PARD3: variants seen among roughly 807,000 people sequenced by gnomAD.
PARD3 encodes the protein par-3 family cell polarity regulator.
In PARD3, 75 loss-of-function variants were observed where a neutral mutation model predicts 155.4. The observed-to-expected ratio is 0.48, with a 90% CI of 0.40 to 0.58. The LOEUF (loss-of-function observed/expected upper bound fraction) is 0.58. PARD3 is among the 20% of genes least tolerant of loss of function. The pLI, the probability that PARD3 is intolerant of heterozygous loss-of-function variation, is 0.00. For synonymous variants in PARD3, 576 were observed against 610.5 expected (o/e 0.94, Z 0.83); for missense variants, 1,642 against 1,721.7 (o/e 0.95, Z 0.82).
chr10:34,484,278 A>G (rs1236492977), intron 3 of PARD3, among the ~76,000 whole-genome samples: 1 of 152,238 alleles, frequency 6.6e-6, no homozygotes, highest in Non-Finnish European at 1.5e-5. Flanking sequence ...TTAATTTAGG[A>G]GCTACAAATA....
intron 2 of PARD3, among the ~76,000 whole-genome samples, chr10:34,555,751 C>G (rs1442023785): frequency 1.3e-5 from 2 of 152,014 alleles, no homozygotes; most frequent in African/African-American, 4.8e-5. Flanking sequence ...ATACCATCAC[C>G]CGCCCACACA....
chr10:34,684,878 TACACAC>T lies in PARD3; in HGVS notation c.222+11434_222+11439del, dbSNP rs57035644. Among the ~76,000 whole-genome samples the T allele has an allele frequency of 3.8e-3, 521 of 137,876 alleles. 1 individual carries two copies. The highest frequency in any genetic ancestry group is 9.6e-3 in the South Asian group (40 of 4,160). 90.5% of individuals were successfully genotyped at this position (137,876 alleles called of 152,430 possible). On this transcript the variant is annotated intron_variant, in intron 2 of 24. Transcript: ENST00000374788. Reference sequence around the variant, plus strand: ...ATACATGTATATATATACACACACATACACACACACACACACACACACACACACACA... The same window carrying T: ...ATACATGTATATATATACACACACATACACACACACACACACACACACACA...
intron 23 of PARD3, among the ~76,000 whole-genome samples, chr10:34,120,535 T>C (rs1386602299): frequency 2.6e-5 from 4 of 152,138 alleles, no homozygotes; most frequent in Admixed American, 6.5e-5. Context: ...GGTAGGTATA[T>C]ATTTTAGTTT....
chr10:34,642,525 C>T (rs1216204342), intron 2 of PARD3, among the ~76,000 whole-genome samples: 1 of 152,076 alleles, frequency 6.6e-6, no homozygotes, highest in Non-Finnish European at 1.5e-5. Flanking sequence ...TTTCTCCTCC[C>T]CAGGCCTCTC....
intron 2 of PARD3, among the ~76,000 whole-genome samples, chr10:34,612,116 G>A (rs1028997670): frequency 6.6e-5 from 10 of 151,970 alleles, no homozygotes; most frequent in African/African-American, 1.9e-4. Context: ...GTGAGCCACC[G>A]TGCCCAGCTG....
At chr10:34,793,024 A>G (rs1841853126) in intron 1 of PARD3, among the ~76,000 whole-genome samples, 1 of 152,218 alleles carries the variant, frequency 6.6e-6, no homozygotes, top group East Asian at 1.9e-4. Flanking sequence ...CCATCTGGAC[A>G]ATGCCTGGGG....
chr10:34,399,470 C>A, intron 6 of PARD3, 57 bp from the exon 7 acceptor site: 1 of 1,009,774 alleles, frequency 9.9e-7, no homozygotes, highest in Middle Eastern at 2.1e-4. Flanking sequence ...AAACCAAAAC[C>A]AAAACAAAAC....
chr10:34,508,620 G>A (rs1258660412), intron 3 of PARD3, among the ~76,000 whole-genome samples: 1 of 152,146 alleles, frequency 6.6e-6, no homozygotes, highest in Non-Finnish European at 1.5e-5. Flanking sequence ...CACCTGAACT[G>A]TGTGACCCTG....
chr10:34,170,378 G>A (rs1949729577), intron 22 of PARD3, among the ~76,000 whole-genome samples: 2 of 152,196 alleles, frequency 1.3e-5, no homozygotes, highest in African/African-American at 4.8e-5. Context: ...GGCCCACCAT[G>A]CCTGGCCCTT....
intron 20 of PARD3, among the ~76,000 whole-genome samples, chr10:34,310,671 A>T (rs1239695984): frequency 1.3e-5 from 2 of 152,244 alleles, no homozygotes; most frequent in South Asian, 4.1e-4. Context: ...AAAGAAGAAT[A>T]CTTGAAGAAT....
intron 1 of PARD3, among the ~76,000 whole-genome samples, chr10:34,810,297 C>G (rs1843968422): frequency 6.6e-6 from 1 of 152,116 alleles, no homozygotes; most frequent in African/African-American, 2.4e-5. Flanking sequence ...AACATAAATT[C>G]TAACAATACA....
At chr10:34,363,615 C>G (rs1232887776) in intron 12 of PARD3, among the ~76,000 whole-genome samples, 1 of 152,186 alleles carries the variant, frequency 6.6e-6, no homozygotes, top group African/African-American at 2.4e-5. Context: ...TCTCCATATT[C>G]TGATGTAAAA....
At chr10:34,345,840 T>C in intron 15 of PARD3, 1 of 985,186 alleles carries the variant, frequency 1.0e-6, no homozygotes, top group Non-Finnish European at 1.2e-6. Flanking sequence ...CATTTGATTC[T>C]TACGGCCAAA....
intron 20 of PARD3, among the ~76,000 whole-genome samples, chr10:34,313,048 G>A (rs566128508): frequency 3.1e-4 from 47 of 152,166 alleles, no homozygotes; most frequent in African/African-American, 1.1e-3. Flanking sequence ...CTTTAAAAAC[G>A]AACACATTTA....
intron 4 of PARD3, 21 bp from the exon 5 acceptor site, chr10:34,450,469 A>T: frequency 6.3e-7 from 1 of 1,596,730 alleles, no homozygotes; most frequent in South Asian, 1.1e-5. Context: ...AGAAACAAAA[A>T]GGTGTCTTGT....
chr10:34,599,136 A>C (rs1039209989), intron 2 of PARD3, among the ~76,000 whole-genome samples: 1 of 152,136 alleles, frequency 6.6e-6, no homozygotes, highest in Non-Finnish European at 1.5e-5. Flanking sequence ...ACCCACAAGC[A>C]ACCGCATCCC....
intron 22 of PARD3, among the ~76,000 whole-genome samples, chr10:34,156,484 C>T (rs939016718): frequency 1.1e-4 from 17 of 152,232 alleles, no homozygotes; most frequent in South Asian, 1.0e-3. Flanking sequence ...CATAAAGAGA[C>T]GGCTCATGGT....
intron 5 of PARD3, among the ~76,000 whole-genome samples, chr10:34,402,987 T>G (rs1844057146): frequency 6.6e-6 from 1 of 152,112 alleles, no homozygotes; most frequent in African/African-American, 2.4e-5. Context: ...CTGACTGAGA[T>G]CAATGGACTT....
intron 4 of PARD3, among the ~76,000 whole-genome samples, chr10:34,458,054 T>C (rs1448892650): frequency 6.6e-6 from 1 of 152,212 alleles, no homozygotes; most frequent in African/African-American, 2.4e-5. Context: ...TTCAAAATGA[T>C]GATATATTTG....
Sources: gnomAD v4.1 joint callset for allele counts (sites outside exome capture counted in the v4.1 genomes callset) on GRCh38, gnomAD v4.1.1 for gene constraint, MANE v1.5 for transcripts, NCBI Gene and HGNC (gene_info 2026-07-23, HGNC 2026-07-21) for gene names.